CAMKMT: variants seen among roughly 807,000 people sequenced by gnomAD.
CAMKMT encodes CaM KMT.
CAMKMT carries 53 observed loss-of-function variants against 48.0 expected under a neutral mutation model. The ratio of observed to expected loss-of-function variants is 1.10; its 90% CI spans 0.89 to 1.39. The LOEUF is 1.39. Among genes scored for constraint, CAMKMT ranks in the 40% most tolerant of loss-of-function variants. CAMKMT has a pLI of 0.00. For synonymous variants in CAMKMT, 165 were observed against 152.3 expected, an observed-to-expected ratio of 1.08 and a Z score of -0.61; for missense variants, 428 against 402.7, an observed-to-expected ratio of 1.06 and a Z score of -0.54.
At chr2:44,569,002 C>T (rs1279142564) in intron 3 of CAMKMT, among the ~76,000 whole-genome samples, 1 of 152,156 alleles carries the variant, frequency 6.6e-6, no homozygotes, top group Non-Finnish European at 1.5e-5. Context: ...TGTCAGAATT[C>T]CACCTGATGG....
chr2:44,377,958 A>T (rs193182777), intron 2 of CAMKMT, among the ~76,000 whole-genome samples: 1 of 152,334 alleles, frequency 6.6e-6, no homozygotes, highest in Non-Finnish European at 1.5e-5. Flanking sequence ...AATTAGATGT[A>T]TGGCAGATTA....
At chr2:44,623,892 T>C (rs962231508) in intron 3 of CAMKMT, among the ~76,000 whole-genome samples, 3 of 152,220 alleles carry the variant, frequency 2.0e-5, no homozygotes, top group African/African-American at 7.2e-5. Context: ...AATTATACAG[T>C]ATGTAATATT....
intron 3 of CAMKMT, among the ~76,000 whole-genome samples, chr2:44,532,685 C>G (rs1332429023): frequency 2.0e-5 from 3 of 152,078 alleles, no homozygotes; most frequent in South Asian, 4.1e-4. Flanking sequence ...CCAGAAAAGA[C>G]TTCACCAGTA....
At chr2:44,445,679 T>A (rs886771999) in intron 3 of CAMKMT, among the ~76,000 whole-genome samples, 10 of 57,104 alleles carry the variant, frequency 1.8e-4, no homozygotes, top group African/African-American at 6.8e-4. Flanking sequence ...TTTTTTTTTT[T>A]TTTTTTTTTT....
intron 3 of CAMKMT, among the ~76,000 whole-genome samples, chr2:44,457,501 C>G (rs112366837): frequency 3.3e-5 from 5 of 151,672 alleles, no homozygotes; most frequent in Admixed American, 6.6e-5. Flanking sequence ...CGGGTTCAAG[C>G]GATTCTCCCA....
intron 10 of CAMKMT, among the ~76,000 whole-genome samples, chr2:44,769,818 T>C (rs769975263): frequency 1.3e-5 from 2 of 152,178 alleles, no homozygotes; most frequent in Non-Finnish European, 2.9e-5. Flanking sequence ...ACATTACAAG[T>C]GGCTGGTGCT....
intron 7 of CAMKMT, among the ~76,000 whole-genome samples, chr2:44,735,844 C>T (rs931307920): frequency 6.6e-5 from 10 of 151,954 alleles, no homozygotes; most frequent in African/African-American, 1.9e-4. Context: ...ACCTGGGAGG[C>T]GGAGGCTGCA....
intron 3 of CAMKMT, among the ~76,000 whole-genome samples, chr2:44,670,565 T>A (rs1213353227): frequency 6.6e-6 from 1 of 152,062 alleles, no homozygotes; most frequent in African/African-American, 2.4e-5. Context: ...GGTGGGAGGA[T>A]CAGTTGAGCC....
intron 3 of CAMKMT, among the ~76,000 whole-genome samples, chr2:44,541,082 G>T (rs1249371902): frequency 6.6e-6 from 1 of 152,084 alleles, no homozygotes; most frequent in African/African-American, 2.4e-5. Flanking sequence ...CTATTTGTGT[G>T]CCAGTATCAC....
intron 3 of CAMKMT, among the ~76,000 whole-genome samples, chr2:44,438,372 G>A (rs1404792723): frequency 6.6e-6 from 1 of 152,096 alleles, no homozygotes; most frequent in East Asian, 1.9e-4. Flanking sequence ...TTTCATTTGT[G>A]TTTAGTTTAT....
chr2:44,533,307 T>C (rs729311), intron 3 of CAMKMT, among the ~76,000 whole-genome samples: 106,625 of 151,070 alleles, frequency 0.71, 38,213 homozygotes, highest in Middle Eastern at 0.77. Flanking sequence ...GGTGTGATCT[T>C]GGCTCACTGC....
At chr2:44,673,101 C>T (rs1312517893) in intron 3 of CAMKMT, among the ~76,000 whole-genome samples, 1 of 151,676 alleles carries the variant, frequency 6.6e-6, no homozygotes. Context: ...GCACTACGGG[C>T]AAAGGAAGAA....
intron 9 of CAMKMT, among the ~76,000 whole-genome samples, chr2:44,760,919 C>T (rs1433789321): frequency 1.3e-5 from 2 of 152,206 alleles, no homozygotes; most frequent in African/African-American, 4.8e-5. Flanking sequence ...GAGCGTTCCA[C>T]TCAGCAAACA....
chr2:44,590,179 G>A (rs1558726674), intron 3 of CAMKMT, among the ~76,000 whole-genome samples: 1 of 151,908 alleles, frequency 6.6e-6, no homozygotes, highest in Non-Finnish European at 1.5e-5. Flanking sequence ...AATAGAAGCA[G>A]CAACAGAGAA....
intron 3 of CAMKMT, among the ~76,000 whole-genome samples, chr2:44,507,520 C>T (rs1363895718): frequency 1.3e-5 from 2 of 151,962 alleles, no homozygotes; most frequent in African/African-American, 4.8e-5. Flanking sequence ...TTGTAATGAC[C>T]CTGATTTCAT....
chr2:44,581,772 G>T (rs186616950), intron 3 of CAMKMT, among the ~76,000 whole-genome samples: 2 of 151,958 alleles, frequency 1.3e-5, no homozygotes, highest in South Asian at 4.2e-4. Context: ...AGGCTGAGGC[G>T]GGTGGATCAC....
At chr2:44,738,961 C>T (rs1263770450) in intron 7 of CAMKMT, among the ~76,000 whole-genome samples, 1 of 152,108 alleles carries the variant, frequency 6.6e-6, no homozygotes, top group Non-Finnish European at 1.5e-5. Flanking sequence ...TATTAAGACC[C>T]TAGAACAGAA....
intron 3 of CAMKMT, among the ~76,000 whole-genome samples, chr2:44,554,366 A>T (rs1667894794): frequency 6.6e-6 from 1 of 152,188 alleles, no homozygotes; most frequent in East Asian, 1.9e-4. Context: ...CCACTTGTTG[A>T]CTATGGGTCT....
chr2:44,461,751 C>T (rs1667860520), intron 3 of CAMKMT, among the ~76,000 whole-genome samples: 1 of 152,096 alleles, frequency 6.6e-6, no homozygotes, highest in South Asian at 2.1e-4. Flanking sequence ...ATATGTTTTT[C>T]TGGTGCCCTA....
Sources: gnomAD v4.1 joint callset for allele counts (sites outside exome capture counted in the v4.1 genomes callset) on GRCh38, gnomAD v4.1.1 for gene constraint, MANE v1.5 for transcripts, NCBI Gene and HGNC (gene_info 2026-07-23, HGNC 2026-07-21) for gene names.